The following PCSK5 variants were observed in gnomAD, a reference collection of about 807,000 sequenced individuals.
PCSK5 encodes prohormone convertase 5.
PCSK5 carries 129 observed loss-of-function variants against 233.2 expected under a neutral mutation model. The observed-to-expected ratio is 0.55, with a 90% CI of 0.48 to 0.64. The LOEUF (loss-of-function observed/expected upper bound fraction) is 0.64. PCSK5 is among the 30% of genes least tolerant of loss of function. The pLI, the probability that PCSK5 is intolerant of heterozygous loss-of-function variation, is 0.00. For synonymous variants in PCSK5, 825 were observed against 879.2 expected (o/e 0.94, Z 1.09); for missense variants, 2,076 against 2,430.1 (o/e 0.85, Z 3.06).
In PCSK5 at chr9:76,361,064, G is replaced by T. The variant is rs984460195; in HGVS notation, c.*2142G>T. 6.6e-6 allele frequency: 1 copy of T among 152,070 alleles called. No homozygotes were observed. The highest frequency in any genetic ancestry group is 1.5e-5 in the Non-Finnish European group (1 of 68,040). The allele number at this position is 152,070 out of a possible 1,614,324, so 9.4% of individuals were successfully genotyped here. A position where few individuals can be genotyped will look rare whatever the true frequency, so the allele number is the denominator to read the frequency against. On this transcript the variant is annotated 3_prime_UTR_variant, in exon 38 of 38. Transcript: ENST00000674117. Reference sequence around the variant, plus strand: ...TTGATCATTTAAAATTATCTCCTTGGCCAGGCGTGGTGGCTCATACCTCTA... The same window carrying T: ...TTGATCATTTAAAATTATCTCCTTGTCCAGGCGTGGTGGCTCATACCTCTA...
chr9:76,221,715 T>C (rs1425886207), intron 20 of PCSK5, among the ~76,000 whole-genome samples: 1 of 152,242 alleles, frequency 6.6e-6, no homozygotes, highest in Non-Finnish European at 1.5e-5. Flanking sequence ...CAACTCTTAA[T>C]TCTGCCCTTT....
chr9:76,286,149 C>G (rs1286814443), intron 24 of PCSK5, among the ~76,000 whole-genome samples: 1 of 152,142 alleles, frequency 6.6e-6, no homozygotes, highest in Non-Finnish European at 1.5e-5. Flanking sequence ...CATTTTTCCC[C>G]CCATAAACAG....
chr9:76,179,913 GT>G (rs1823771592), intron 15 of PCSK5, among the ~76,000 whole-genome samples: 1 of 151,996 alleles, frequency 6.6e-6, no homozygotes, highest in East Asian at 1.9e-4. Flanking sequence ...AACGCAAAAT[GT>G]GCATGTATGC....
chr9:76,119,582 A>G (rs1053013293), intron 9 of PCSK5, among the ~76,000 whole-genome samples: 1 of 152,110 alleles, frequency 6.6e-6, no homozygotes, highest in Non-Finnish European at 1.5e-5. Flanking sequence ...TTCCTATGTC[A>G]ACATTTATTA....
chr9:76,001,468 CTTTTTTTTT>C (rs34379742), intron 3 of PCSK5, among the ~76,000 whole-genome samples: 3 of 87,136 alleles, frequency 3.4e-5, no homozygotes, highest in African/African-American at 4.6e-5. Context: ...ACCATCATAG[CTTTTTTTTT>C]TTTTTTTTTT....
At chr9:76,018,956 C>T (rs1376012141) in intron 3 of PCSK5, among the ~76,000 whole-genome samples, 1 of 152,096 alleles carries the variant, frequency 6.6e-6, no homozygotes, top group African/African-American at 2.4e-5. Context: ...TGTTTTTGGC[C>T]CTGCTCTAAG....
chr9:76,322,125 T>C (rs557471520), intron 31 of PCSK5, among the ~76,000 whole-genome samples: 3 of 152,076 alleles, frequency 2.0e-5, no homozygotes, highest in Admixed American at 6.5e-5. Flanking sequence ...AATTTTAACA[T>C]TTTTAGTAGA....
At chr9:76,286,196 C>T (rs1495257) in intron 24 of PCSK5, among the ~76,000 whole-genome samples, 75,180 of 151,962 alleles carry the variant, frequency 0.49, 18,855 homozygotes, top group African/African-American at 0.56. Flanking sequence ...GGTAATTCTG[C>T]TGTATATTGC....
chr9:75,929,675 A>T (rs1823687484), intron 1 of PCSK5, among the ~76,000 whole-genome samples: 1 of 152,076 alleles, frequency 6.6e-6, no homozygotes, highest in Non-Finnish European at 1.5e-5. Context: ...CATGCTGCCG[A>T]TAAAGACATA....
intron 20 of PCSK5, among the ~76,000 whole-genome samples, chr9:76,222,487 C>T (rs1332802012): frequency 6.6e-6 from 1 of 152,114 alleles, no homozygotes; most frequent in Non-Finnish European, 1.5e-5. Context: ...AACTCTGTAC[C>T]CATTAAATAA....
At chr9:76,155,186 AAG>A (rs1429786986) in intron 10 of PCSK5, among the ~76,000 whole-genome samples, 1 of 152,282 alleles carries the variant, frequency 6.6e-6, no homozygotes, top group Non-Finnish European at 1.5e-5. Flanking sequence ...ATATTAAAGT[AAG>A]GAGACCTTAC....
chr9:76,015,197 T>A (rs1446320818), intron 3 of PCSK5, among the ~76,000 whole-genome samples: 3 of 152,222 alleles, frequency 2.0e-5, no homozygotes, highest in Non-Finnish European at 4.4e-5. Flanking sequence ...AAGATGGATG[T>A]CTCAGCTCTA....
chr9:76,246,471 T>G (rs916208582), intron 24 of PCSK5, among the ~76,000 whole-genome samples: 1 of 152,032 alleles, frequency 6.6e-6, no homozygotes, highest in African/African-American at 2.4e-5. Flanking sequence ...TGTTATTGCT[T>G]CCTGGTGGGA....
intron 20 of PCSK5, among the ~76,000 whole-genome samples, chr9:76,209,249 T>C (rs1052674133): frequency 6.6e-6 from 1 of 152,238 alleles, no homozygotes; most frequent in Admixed American, 6.5e-5. Flanking sequence ...TTTTGAGTTA[T>C]ATTGTTGTGA....
intron 2 of PCSK5, among the ~76,000 whole-genome samples, chr9:75,945,958 A>G (rs1422737131): frequency 6.6e-6 from 1 of 152,150 alleles, no homozygotes; most frequent in Non-Finnish European, 1.5e-5. Flanking sequence ...TTTGATATCT[A>G]TGTGAATCCA....
intron 5 of PCSK5, among the ~76,000 whole-genome samples, chr9:76,041,630 A>G (rs1053420592): frequency 7.2e-5 from 11 of 152,088 alleles, no homozygotes; most frequent in Non-Finnish European, 1.5e-4. Context: ...TCACGAGGTC[A>G]AGAGATCAAG....
At chr9:76,261,491 G>A (rs1827173252) in intron 24 of PCSK5, among the ~76,000 whole-genome samples, 1 of 152,072 alleles carries the variant, frequency 6.6e-6, no homozygotes, top group Non-Finnish European at 1.5e-5. Context: ...TTCAAGCTGA[G>A]GGCCAAATCA....
intron 12 of PCSK5, among the ~76,000 whole-genome samples, chr9:76,162,568 T>C (rs1018452681): frequency 1.3e-5 from 2 of 152,130 alleles, no homozygotes; most frequent in Non-Finnish European, 2.9e-5. Context: ...GGTCAGGTTT[T>C]AGAAGGAATT....
chr9:76,223,042 G>C (rs541830430), intron 20 of PCSK5, among the ~76,000 whole-genome samples: 5 of 152,136 alleles, frequency 3.3e-5, no homozygotes, highest in Admixed American at 6.5e-5. Flanking sequence ...TCACAGGGAA[G>C]TCTACAGATA....
Sources: allele counts gnomAD v4.1 joint callset (sites outside exome capture counted in the v4.1 genomes callset), GRCh38; gene constraint gnomAD v4.1.1; transcripts MANE v1.5; gene names NCBI Gene and HGNC (gene_info 2026-07-23, HGNC 2026-07-21).